LACTB: variants seen among roughly 807,000 people sequenced by gnomAD.
LACTB encodes serine beta-lactamase-like protein LACTB, mitochondrial.
In LACTB, 35 loss-of-function variants were observed where a neutral mutation model predicts 50.2. The observed-to-expected ratio is 0.70, with a 90% CI of 0.53 to 0.92. The LOEUF is 0.92. Ranked by LOEUF, LACTB falls within the 40% of genes least tolerant of loss-of-function variation. The probability of loss-of-function intolerance (pLI) is 0.00; values close to 1 mark genes in which losing one functional copy is unlikely to be tolerated. For missense variants in LACTB, 664 were observed against 691.8 expected, an observed-to-expected ratio of 0.96 and a Z score of 0.45; for synonymous variants, 252 against 268.2, an observed-to-expected ratio of 0.94 and a Z score of 0.59.
intron 5 of LACTB, among the ~76,000 whole-genome samples, chr15:63,134,888 T>TA (rs923225516): frequency 6.6e-6 from 1 of 150,924 alleles, no homozygotes; most frequent in Non-Finnish European, 1.5e-5. Flanking sequence ...GGGTTGAGGT[T>TA]AAAAAAAAAG....
chr15:63,139,934 CAA>C (rs56336727), intron 5 of LACTB, among the ~76,000 whole-genome samples: 3 of 141,496 alleles, frequency 2.1e-5, no homozygotes, highest in Non-Finnish European at 3.1e-5. Context: ...TCATCTCTAC[CAA>C]AAAAAAAAAA....
intron 4 of LACTB, among the ~76,000 whole-genome samples, chr15:63,128,582 C>G (rs1476427226): frequency 2.0e-5 from 3 of 152,128 alleles, no homozygotes; most frequent in Non-Finnish European, 4.4e-5. Context: ...GCTTGGGCAA[C>G]AGCAAGAGCA....
chr15:63,128,538 T>C lies in LACTB; in HGVS notation c.952+849T>C, dbSNP rs2037085421. The stretch of plus-strand genomic sequence containing the variant: ...GATCCCTGAGCCCAGGAGTTCAAAG[T>C]TGTAGTGGGTTGTGATCATACCACT... On this transcript the variant is annotated intron_variant, in intron 4 of 5. Coordinates refer to ENST00000261893, the MANE Select transcript of LACTB (RefSeq NM_032857.5). Among the ~76,000 whole-genome samples the C allele has an allele frequency of 3.3e-5, 5 of 152,082 alleles. No homozygotes were observed. In the South Asian group the frequency reaches 1.0e-3, roughly 32 times the overall value.
chr15:63,127,184 T>C (rs986076377), intron 3 of LACTB, 135 bp downstream of exon 3: 1 of 919,976 alleles, frequency 1.1e-6, no homozygotes, highest in African/African-American at 1.7e-5. Flanking sequence ...TTAATCCAGA[T>C]GATAATCAGG....
At chr15:63,132,174 T>C (rs1028272102) in intron 5 of LACTB, among the ~76,000 whole-genome samples, 29 of 152,166 alleles carry the variant, frequency 1.9e-4, no homozygotes, top group African/African-American at 5.5e-4. Flanking sequence ...TAGTACCTAA[T>C]AGGTAGTTTT....
rs374216625 is a variant in LACTB at position 63,122,165 on chromosome 15, G to A, written c.294G>A (p.Pro98=). 1.0e-4 allele frequency: 152 copies of A among 1,520,062 alleles called. No homozygotes were observed. The African/African-American group carries it at 1.9e-3, about 19-fold the overall frequency. 94.2% of individuals were successfully genotyped at this position (1,520,062 alleles called of 1,614,324 possible). The change falls in exon 1 of 6, where the codon CCG becomes CCA. Residue 98 remains proline, a synonymous_variant. Coordinates refer to ENST00000261893, the MANE Select transcript of LACTB (RefSeq NM_032857.5). ...CGTGGTCTCCGCAGACCCCGGCGCC[G>A]CCCTGCTCCAGGTGCTTCGCCAGAG... is the stretch of plus-strand genomic sequence containing the variant. ...LAPWSPQTPA[P]PCSRCFARAI...
intron 5 of LACTB, among the ~76,000 whole-genome samples, chr15:63,133,457 C>G (rs1055911925): frequency 1.3e-5 from 2 of 152,042 alleles, no homozygotes; most frequent in African/African-American, 4.8e-5. Context: ...CCCATCCCTA[C>G]AAAAATTCTT....
chr15:63,139,903 G>C (rs1465388117), intron 5 of LACTB, among the ~76,000 whole-genome samples: 1 of 150,276 alleles, frequency 6.7e-6, no homozygotes, highest in Non-Finnish European at 1.5e-5. Flanking sequence ...TTCGAGACCA[G>C]GCTGGACAAC....
Position 63,126,954 on chromosome 15 carries a change from C to T in LACTB, c.520C>T (p.Leu174Phe). Residue 174 changes from leucine (L) to phenylalanine (F), a missense_variant, in exon 3 of 6, where the codon CTT (leucine) becomes TTT (phenylalanine). Physicochemically the swap from Leu to Phe is conservative, Grantham distance 22. Transcript: ENST00000261893. Reference protein sequence around the residue: ...SISKSLTMVALAKLWEAGKLD... With the variant: ...SISKSLTMVAFAKLWEAGKLD... ...CAGCAAAAGTCTCACCATGGTTGCT[C>T]TTGCCAAATTGTGGGAAGCAGGGAA... The T allele has an allele frequency of 6.2e-7, 1 of 1,613,628 alleles. No individual in the cohort carries two copies. The highest frequency in any genetic ancestry group is 8.5e-7 in the Non-Finnish European group (1 of 1,179,678).
chr15:63,131,400 A>C (rs1269039726), intron 5 of LACTB: 1 of 152,212 alleles, frequency 6.6e-6, no homozygotes, highest in Admixed American at 6.5e-5. Context: ...TCATTATTTA[A>C]TATGTTGCTT....
intron 5 of LACTB, among the ~76,000 whole-genome samples, chr15:63,139,326 A>C (rs938684188): frequency 1.3e-5 from 2 of 151,870 alleles, no homozygotes; most frequent in African/African-American, 4.8e-5. Context: ...GCTGCACTCC[A>C]GCCTGGGCAC....
At chr15:63,141,211 T>C in intron 5 of LACTB, 69 bp from the exon 6 acceptor site, 1 of 1,502,068 alleles carries the variant, frequency 6.7e-7, no homozygotes, top group Non-Finnish European at 8.9e-7. Context: ...CATGTATACA[T>C]TTTTCTATCA....
At chr15:63,125,468 TAAAATTTTTTAA>T (rs2037039703) in intron 2 of LACTB, among the ~76,000 whole-genome samples, 6 of 152,176 alleles carry the variant, frequency 3.9e-5, no homozygotes, top group Admixed American at 3.9e-4. Context: ...GTGCCCAGCT[TAAAATTTTTTAA>T]AAAAGGAAAA....
At position 63,126,998 on chromosome 15, in the gene LACTB, A is replaced by C. The variant is rs1419222783; in HGVS notation, c.564A>C (p.Pro188=). 2 of 1,613,070 alleles carry C rather than the reference A, an allele frequency of 1.2e-6. No homozygotes were observed. Among genetic ancestry groups the C allele is most frequent in the Non-Finnish European group, 1.7e-6 (2 of 1,179,434 alleles). ...CAGGGAAACTGGATCTTGATATTCC[A>C]GTACAACATTATGTTCCCGAATTCC... ...WEAGKLDLDI[P]VQHYVPEFPE... The change falls in exon 3 of 6, where the codon CCA becomes CCC. Residue 188 remains proline (P), a synonymous_variant. Coordinates refer to ENST00000261893, the MANE Select transcript of LACTB (RefSeq NM_032857.5).
chr15:63,127,594 A>G lies in LACTB; in HGVS notation c.857A>G (p.Asp286Gly). 6.2e-7 allele frequency: 1 copy of G among 1,613,408 alleles called. No homozygotes were observed. Among genetic ancestry groups the G allele is most frequent in the Non-Finnish European group, 8.5e-7 (1 of 1,179,510 alleles). ...RNSKPGKKKNDFEQGELYLRE... is the reference protein window; with the variant it reads ...RNSKPGKKKNGFEQGELYLRE... Reference sequence around the variant, plus strand: ...TCAAAACCTGGCAAGAAAAAGAATGATTTTGAACAAGGCGAATTATATTTG... The same window carrying G: ...TCAAAACCTGGCAAGAAAAAGAATGGTTTTGAACAAGGCGAATTATATTTG... The change falls in exon 4 of 6, where the codon GAT (aspartate) becomes GGT (glycine). Residue 286 changes from aspartate to glycine, a missense_variant. Asp to Gly is a moderately conservative substitution (Grantham distance 94, BLOSUM62 -1). Transcript: ENST00000261893.
chr15:63,138,052 G>A (rs1031653774), intron 5 of LACTB, among the ~76,000 whole-genome samples: 34 of 152,274 alleles, frequency 2.2e-4, no homozygotes, highest in Admixed American at 1.2e-3. Flanking sequence ...AAGGCTGGGC[G>A]CAGTGGCTCA....
intron 2 of LACTB, among the ~76,000 whole-genome samples, chr15:63,123,024 A>C (rs2652789): frequency 0.75 from 114,618 of 152,058 alleles, 43,564 homozygotes; most frequent in East Asian, 1. Flanking sequence ...TGCCTGAAAA[A>C]GTGGATGATA....
chr15:63,122,522 G>T, intron 1 of LACTB, 114 bp from the exon 2 acceptor site: 1 of 863,912 alleles, frequency 1.2e-6, no homozygotes, highest in South Asian at 1.4e-5. Context: ...GCGGGGCCCA[G>T]GTGGAGGGGG....
At chr15:63,134,130 C>G (rs917048953) in intron 5 of LACTB, among the ~76,000 whole-genome samples, 2 of 151,942 alleles carry the variant, frequency 1.3e-5, no homozygotes, top group Admixed American at 6.6e-5. Context: ...ACTCCTCTCT[C>G]TTCATACCAT....
Sources: allele counts gnomAD v4.1 joint callset (sites outside exome capture counted in the v4.1 genomes callset), GRCh38; gene constraint gnomAD v4.1.1; transcripts MANE v1.5; gene names NCBI Gene and HGNC (gene_info 2026-07-23, HGNC 2026-07-21).